The following DCAF5 variants were observed in gnomAD, a reference collection of about 807,000 sequenced individuals.
DCAF5 encodes the protein DDB1- and CUL4-associated factor 5.
Under a neutral mutation model 80.7 loss-of-function variants are expected in DCAF5, and 9 were observed. The observed-to-expected ratio is 0.11, with a 90% confidence interval of 0.07 to 0.19. The LOEUF is 0.19. Ranked by LOEUF, DCAF5 falls within the 10% of genes least tolerant of loss-of-function variation. DCAF5 has a pLI of 1.00. For synonymous variants in DCAF5, 433 were observed against 461.9 expected (o/e 0.94, Z 0.80); for missense variants, 842 against 1,205.7 (o/e 0.70, Z 4.47).
rs1286112473 is a variant in DCAF5 at position 69,153,064 on chromosome 14, C to A, written c.-86G>T. The A allele has an allele frequency of 4.6e-6, 5 of 1,080,398 alleles. No homozygotes were observed. In the Admixed American group the frequency reaches 1.2e-4, roughly 25 times the overall value. The allele number at this position is 1,080,398 out of a possible 1,614,324, so 66.9% of individuals were successfully genotyped here. A position where few individuals can be genotyped will look rare whatever the true frequency, so the allele number is the denominator to read the frequency against. On this transcript the variant is annotated 5_prime_UTR_variant, in exon 1 of 9. Coordinates refer to ENST00000341516, the MANE Select transcript of DCAF5 (RefSeq NM_003861.3). ...GCTGCTCCCCCCACCCGGCCCTCCC[C>A]CCGCGCTGCGATCCGGATGGTTCTT...
intron 6 of DCAF5, among the ~76,000 whole-genome samples, chr14:69,078,867 A>C (rs1430617206): frequency 6.6e-6 from 1 of 152,130 alleles, no homozygotes; most frequent in Non-Finnish European, 1.5e-5. Context: ...TATATATTTA[A>C]TGTACACTTT....
In DCAF5 at chr14:69,054,513, G is replaced by A. The variant is rs1301894241; in HGVS notation, c.2173C>T (p.Pro725Ser). 3 of 1,614,162 alleles carry A rather than the reference G, an allele frequency of 1.9e-6. No individual in the cohort carries two copies. The highest frequency in any genetic ancestry group is 2.2e-5 in the East Asian group (1 of 44,890). ...AAAGTGTCCTTGCTGCAGCCTTCAG[G>A]TGGCAGGTCCTGGTTCCTCTGGGCC... ...AMAQRNQDLP[P>S]EGCSKDTFKE... The change falls in exon 9 of 9, where the codon CCT becomes TCT. Residue 725 changes from proline (P) to serine (S), a missense_variant. Around this residue, in one of 5 missense-constraint regions of DCAF5, gnomAD observed 607 missense variants for 656.6 expected, o/e 0.92. Coordinates refer to ENST00000341516, the MANE Select transcript of DCAF5 (RefSeq NM_003861.3).
At chr14:69,135,349 C>A (rs1404602101) in intron 1 of DCAF5, among the ~76,000 whole-genome samples, 1 of 152,136 alleles carries the variant, frequency 6.6e-6, no homozygotes, top group Non-Finnish European at 1.5e-5. Flanking sequence ...CTCAGGAGTG[C>A]CTTGATGAAG....
At chr14:69,107,565 A>C (rs1392253719) in intron 5 of DCAF5, among the ~76,000 whole-genome samples, 2 of 152,202 alleles carry the variant, frequency 1.3e-5, no homozygotes, top group Non-Finnish European at 2.9e-5. Context: ...GGTGTCCTCC[A>C]GTGGGCAAAA....
chr14:69,103,303 A>T lies in DCAF5; in HGVS notation c.666-11416T>A, dbSNP rs150939479. On this transcript the variant is annotated intron_variant, in intron 5 of 8. Transcript: ENST00000341516. ...GAAGTTCTGGAAGCATATATTATAA[A>T]CTCATAATACTCACTACCCCCAGGA... Among the ~76,000 whole-genome samples, 584 of 152,302 alleles carry T rather than the reference A, an allele frequency of 3.8e-3. 6 individuals are homozygous for T. The highest frequency in any genetic ancestry group is 0.014 in the African/African-American group (563 of 41,568).
rs947262756 is a variant in DCAF5, at chr14:69,153,104, A to G, written c.-126T>C. On this transcript the variant is annotated 5_prime_UTR_variant, in exon 1 of 9. Coordinates refer to ENST00000341516, the MANE Select transcript of DCAF5 (RefSeq NM_003861.3). ...GGATGGTTCTTTAACCAGCCATGGC[A>G]GGCAGAGCGAGGTGTGCAGACACTC... is the stretch of plus-strand genomic sequence containing the variant. 1.0e-4 allele frequency: 73 copies of G among 698,234 alleles called. No homozygotes were observed. Among genetic ancestry groups the G allele is most frequent in the Non-Finnish European group, 1.4e-4 (67 of 468,196 alleles). The allele number at this position is 698,234 out of a possible 1,614,324, so 43.3% of individuals were successfully genotyped here.
Position 69,152,231 on chromosome 14 carries a change from C to G in DCAF5, c.214+534G>C, listed in dbSNP as rs2041729682. Among the ~76,000 whole-genome samples the G allele has an allele frequency of 6.6e-6, 1 of 152,186 alleles. No homozygotes were observed. The highest frequency in any genetic ancestry group is 2.1e-4 in the South Asian group (1 of 4,834). ...CCCTACCGCCCCAGTCACTTCCCCT[C>G]TGCAGACCCCGCCAGCCCCCGGGTC... On this transcript the variant is annotated intron_variant, in intron 1 of 8. Coordinates refer to ENST00000341516, the MANE Select transcript of DCAF5 (RefSeq NM_003861.3). The surrounding 1 kb of genome is among the most constrained non-coding windows in gnomAD (Gnocchi z 4.1).
chr14:69,153,183 C>G, upstream of DCAF5: 1 of 407,400 alleles, frequency 2.5e-6, no homozygotes, highest in Non-Finnish European at 4.3e-6. Flanking sequence ...CCCCGAGGCT[C>G]CTCCCTCTGC....
intron 6 of DCAF5, among the ~76,000 whole-genome samples, chr14:69,082,718 CAT>C (rs2039161290): frequency 6.6e-6 from 1 of 152,144 alleles, no homozygotes; most frequent in Non-Finnish European, 1.5e-5. Context: ...CACTTCAGTC[CAT>C]ATATGAGTAT....
At chr14:69,089,815 G>T in intron 6 of DCAF5, 1 of 553,854 alleles carries the variant, frequency 1.8e-6, no homozygotes, top group Non-Finnish European at 2.3e-6. Context: ...TGATATTACC[G>T]GCTTCTAGTA....
Position 69,073,418 on chromosome 14 carries a change from T to A in DCAF5, c.946+1927A>T, listed in dbSNP as rs1447428056. On this transcript the variant is annotated intron_variant, in intron 7 of 8. Transcript: ENST00000341516. Reference sequence around the variant, plus strand: ...CTGTGAGAAAATAAATTTCTGTTGTTTAAGCCACCCAGTCTGTGATACTTC... The same window carrying A: ...CTGTGAGAAAATAAATTTCTGTTGTATAAGCCACCCAGTCTGTGATACTTC... 7.2e-5 allele frequency among the ~76,000 whole-genome samples: 11 copies of A among 152,236 alleles called. No individual in the cohort carries two copies. The East Asian group carries it at 1.2e-3, about 16-fold the overall frequency.
intron 5 of DCAF5, among the ~76,000 whole-genome samples, chr14:69,105,943 A>ATCTATCTATCTATC (rs1555374893): frequency 4.0e-5 from 3 of 74,172 alleles, no homozygotes; most frequent in Admixed American, 1.3e-4. Flanking sequence ...ATATATATAT[A>ATCTATCTATCTATC]TATCTCCTAT....
At chr14:69,080,133 G>A (rs1316540571) in intron 6 of DCAF5, among the ~76,000 whole-genome samples, 4 of 151,892 alleles carry the variant, frequency 2.6e-5, no homozygotes, top group Admixed American at 2.0e-4. Flanking sequence ...TTTAAGCTTT[G>A]TGGAAATAAA....
At chr14:69,116,273 C>A in intron 5 of DCAF5, 93 bp downstream of exon 5, 1 of 1,449,716 alleles carries the variant, frequency 6.9e-7, no homozygotes, top group Non-Finnish European at 9.4e-7. Flanking sequence ...AGATAACTGC[C>A]AAAGAGGTCC....
chr14:69,106,527 C>A (rs1351077800), intron 5 of DCAF5, among the ~76,000 whole-genome samples: 2 of 151,964 alleles, frequency 1.3e-5, no homozygotes, highest in Non-Finnish European at 1.5e-5. Flanking sequence ...GCCACTACCC[C>A]ACCTGGCTAA....
chr14:69,151,992 C>T (rs2041721069), intron 1 of DCAF5, among the ~76,000 whole-genome samples: 1 of 152,180 alleles, frequency 6.6e-6, no homozygotes. Context: ...GGGTGCGGGG[C>T]GCCGGGCTCC....
chr14:69,120,287 T>C (rs980712635), intron 2 of DCAF5, among the ~76,000 whole-genome samples: 1 of 152,044 alleles, frequency 6.6e-6, no homozygotes, highest in Non-Finnish European at 1.5e-5. Flanking sequence ...ATCTAACATG[T>C]TGGGGTCTAA....
intron 6 of DCAF5, among the ~76,000 whole-genome samples, chr14:69,078,652 A>G (rs1175861481): frequency 6.6e-6 from 1 of 152,244 alleles, no homozygotes; most frequent in Non-Finnish European, 1.5e-5. Context: ...AACTGAAATA[A>G]GCCAGTCACA....
At chr14:69,083,451 CAAACT>C in intron 6 of DCAF5, 1 of 322,544 alleles carries the variant, frequency 3.1e-6, no homozygotes, top group Admixed American at 3.7e-5. Flanking sequence ...AGTGGAACCT[CAAACT>C]GCGGCAGTGG....
Sources: gnomAD v4.1 joint callset for allele counts (sites outside exome capture counted in the v4.1 genomes callset) on GRCh38, gnomAD v4.1.1 for gene constraint, gnomAD v4.1.1 regional missense constraint, Gnocchi (gnomAD v3.1) non-coding constraint, MANE v1.5 for transcripts, NCBI Gene and HGNC (gene_info 2026-07-23, HGNC 2026-07-21) for gene names.